Variants in PKHD1L1 observed in about 807,000 individuals in gnomAD.
PKHD1L1 encodes the protein fibrocystin-L.
In PKHD1L1, 434 loss-of-function variants were observed where a neutral mutation model predicts 462.9. The observed-to-expected ratio is 0.94, with a 90% CI of 0.87 to 1.02. The LOEUF is 1.02. PKHD1L1 is among the 50% of genes least tolerant of loss of function. The pLI, the probability that PKHD1L1 is intolerant of heterozygous loss-of-function variation, is 0.00. For missense variants in PKHD1L1, 5,202 were observed against 5,096.1 expected (o/e 1.02, Z -0.63); for synonymous variants, 1,781 against 1,750.0 (o/e 1.02, Z -0.44).
intron 73 of PKHD1L1, among the ~76,000 whole-genome samples, chr8:109,520,954 G>A (rs1338795582): frequency 1.3e-5 from 2 of 152,154 alleles, no homozygotes; most frequent in African/African-American, 2.4e-5. Context: ...AGTAGTAATA[G>A]TAGTGCATGG....
intron 45 of PKHD1L1, among the ~76,000 whole-genome samples, chr8:109,455,197 G>C (rs1563563898): frequency 1.3e-5 from 2 of 152,178 alleles, no homozygotes; most frequent in African/African-American, 4.8e-5. Flanking sequence ...ATTTAGCCAG[G>C]CATGGTGGTG....
At chr8:109,381,121 C>G (rs893483643) in intron 2 of PKHD1L1, among the ~76,000 whole-genome samples, 2 of 152,124 alleles carry the variant, frequency 1.3e-5, no homozygotes, top group South Asian at 2.1e-4. Context: ...GATGGTGGAA[C>G]AAATCCCCAT....
At chr8:109,439,954 A>G (rs17446406) in intron 32 of PKHD1L1, among the ~76,000 whole-genome samples, 30,542 of 152,014 alleles carry the variant, frequency 0.2, 3,147 homozygotes, top group South Asian at 0.27. Context: ...CAGAGCTCAC[A>G]TGGATTCTAT....
intron 1 of PKHD1L1, among the ~76,000 whole-genome samples, chr8:109,364,222 G>A (rs555556460): frequency 2.6e-5 from 4 of 152,250 alleles, no homozygotes; most frequent in African/African-American, 9.6e-5. Context: ...TTATAGATCT[G>A]CAGTTAGCAG....
At chr8:109,508,347 A>C in intron 70 of PKHD1L1, 83 bp downstream of exon 70, 1 of 1,358,162 alleles carries the variant, frequency 7.4e-7, no homozygotes, top group Non-Finnish European at 1.0e-6. Context: ...TAAATTATTT[A>C]CCCCACACAA....
rs145885682 is a variant in PKHD1L1 at position 109,534,908 on chromosome 8, GT to G, written c.*4828del. 6.7e-6 allele frequency among the ~76,000 whole-genome samples: 1 copy of G among 149,506 alleles called. No homozygotes were observed. Among genetic ancestry groups the G allele is most frequent in the Non-Finnish European group, 1.5e-5 (1 of 67,308 alleles). On this transcript the variant is annotated 3_prime_UTR_variant, in exon 78 of 78. Transcript: ENST00000378402. ...ACCCATGAATGTGACTTTATTAGAG[GT>G]TTTTTTTTTAGGTTAAGGACTATGT...
chr8:109,405,792 A>G (rs1813506384), intron 16 of PKHD1L1, among the ~76,000 whole-genome samples: 1 of 152,174 alleles, frequency 6.6e-6, no homozygotes, highest in Non-Finnish European at 1.5e-5. Context: ...GCAAACCACC[A>G]TGACATACGT....
intron 67 of PKHD1L1, 21 bp from the exon 68 acceptor site, chr8:109,504,306 T>C: frequency 2.3e-6 from 3 of 1,324,576 alleles, no homozygotes; most frequent in African/African-American, 3.1e-5. Flanking sequence ...AATAATCACT[T>C]ATCTATTATT....
At position 109,491,145 on chromosome 8, in the gene PKHD1L1, G is replaced by T. The variant is rs754579743; in HGVS notation, c.10114+44G>T. On this transcript the variant is annotated intron_variant, in intron 61 of 77. Transcript: ENST00000378402. Reference sequence around the variant, plus strand: ...GGTTCAAATTACACATCCTGTGGAGGCTTTCTTATCTATATACTCTAGAGC... The same window carrying T: ...GGTTCAAATTACACATCCTGTGGAGTCTTTCTTATCTATATACTCTAGAGC... 18 of 1,565,294 alleles carry T rather than the reference G, an allele frequency of 1.1e-5. No homozygotes were observed. The East Asian group carries it at 2.7e-4, about 24-fold the overall frequency.
intron 2 of PKHD1L1, among the ~76,000 whole-genome samples, chr8:109,370,427 T>G (rs369000467): frequency 6.6e-6 from 1 of 152,020 alleles, no homozygotes; most frequent in Non-Finnish European, 1.5e-5. Flanking sequence ...GTGTTATTTT[T>G]AAAAAGGGAT....
rs938571749 is a variant in PKHD1L1 at position 109,400,280 on chromosome 8, T to G, written c.1217T>G (p.Phe406Cys). The change falls in exon 13 of 78, where the codon TTC becomes TGC. Residue 406 changes from phenylalanine to cysteine, a missense_variant. Coordinates refer to ENST00000378402, the MANE Select transcript of PKHD1L1 (RefSeq NM_177531.6). ...GCTCCAGATTCTGATGTTTATAGAT[T>G]CTACATCAAGGGTGATGACCGTTAT... ...LVAPDSDVYR[F>C]YIKGDDRYAI... 1 of 1,613,656 alleles carries G rather than the reference T, an allele frequency of 6.2e-7. No homozygotes were observed. The highest frequency in any genetic ancestry group is 1.7e-5 in the Admixed American group (1 of 59,990).
Position 109,406,338 on chromosome 8 carries a change from T to C in PKHD1L1, c.1673T>C (p.Phe558Ser), listed in dbSNP as rs1365418587. 1 of 1,546,500 alleles carries C rather than the reference T, an allele frequency of 6.5e-7. No individual in the cohort carries two copies. Among genetic ancestry groups the C allele is most frequent in the East Asian group, 2.4e-5 (1 of 40,914 alleles). The change falls in exon 17 of 78, where the codon TTC becomes TCC. Residue 558 changes from phenylalanine (F) to serine (S), a missense_variant. Physicochemically the swap from Phe to Ser is radical, Grantham distance 155. Transcript: ENST00000378402. ...RLIYNMEKTV[F>S]LPADASEFIL... is the part of the protein sequence containing the mutation. ...GTTTGTTTTAATCCAATCAAAGTCT[T>C]CCTACCTGCTGATGCTTCTGAATTC...
rs1332552530 is a variant in PKHD1L1 at position 109,413,499 on chromosome 8, A to G, written c.2314A>G (p.Arg772Gly). 3 of 1,575,400 alleles carry G rather than the reference A, an allele frequency of 1.9e-6. No individual in the cohort carries two copies. In the South Asian group the frequency reaches 3.6e-5, roughly 19 times the overall value. Residue 772 changes from arginine to glycine, a missense_variant, in exon 21 of 78, where the codon AGA becomes GGA. Coordinates refer to ENST00000378402, the MANE Select transcript of PKHD1L1 (RefSeq NM_177531.6). ...FQYQDNSKIT[R>G]STDTQFTYNF... is the part of the protein sequence containing the mutation. ...GTACCAAGACAATAGCAAGATTACT[A>G]GAAGCACTGATACACAGTTTACATA...
At chr8:109,463,935 TA>T (rs972306039) in intron 48 of PKHD1L1, among the ~76,000 whole-genome samples, 2 of 152,110 alleles carry the variant, frequency 1.3e-5, no homozygotes, top group African/African-American at 4.8e-5. Context: ...TTTTATTTCC[TA>T]AAACACAAAA....
intron 39 of PKHD1L1, among the ~76,000 whole-genome samples, chr8:109,448,721 A>C (rs1419399441): frequency 6.6e-6 from 1 of 151,896 alleles, no homozygotes; most frequent in African/African-American, 2.4e-5. Flanking sequence ...TCACCATGAA[A>C]ATTTATAGCA....
chr8:109,464,918 T>C lies in PKHD1L1; in HGVS notation c.8086T>C (p.Trp2696Arg). Residue 2696 changes from tryptophan to arginine, a missense_variant, in exon 49 of 78, where the codon TGG becomes CGG. Around this residue, in one of 3 missense-constraint regions of PKHD1L1, gnomAD observed 4,497 missense variants for 4,336.8 expected, o/e 1.04. Transcript: ENST00000378402. ...KRILAPYVGG[W>R]GETNGAVIKN... Reference sequence around the variant, plus strand: ...GATCCTGGCTCCTTATGTTGGAGGGTGGGGTGAAACCAATGGAGCGGTGAT... The same window carrying C: ...GATCCTGGCTCCTTATGTTGGAGGGCGGGGTGAAACCAATGGAGCGGTGAT... 6.2e-7 allele frequency: 1 copy of C among 1,613,658 alleles called. No homozygotes were observed. Among genetic ancestry groups the C allele is most frequent in the Non-Finnish European group, 8.5e-7 (1 of 1,179,760 alleles).
chr8:109,447,415 A>C (rs1368266729), intron 38 of PKHD1L1, among the ~76,000 whole-genome samples: 2 of 152,202 alleles, frequency 1.3e-5, no homozygotes, highest in Non-Finnish European at 2.9e-5. Flanking sequence ...GTTTGTAAAA[A>C]GTTATGTTGA....
At chr8:109,413,377 A>ATTACC in intron 20 of PKHD1L1, 44 bp from the exon 21 acceptor site, 1 of 1,288,190 alleles carries the variant, frequency 7.8e-7, no homozygotes, top group Non-Finnish European at 1.0e-6. Context: ...GAAACAATGT[A>ATTACC]ATGGTAATAT....
chr8:109,480,427 C>T (rs1003923210), intron 55 of PKHD1L1: 4 of 414,506 alleles, frequency 9.7e-6, no homozygotes, highest in Non-Finnish European at 1.8e-5. Context: ...GCTAAACCAA[C>T]AGCTTGTTCC....
Sources: gnomAD v4.1 joint callset for allele counts (sites outside exome capture counted in the v4.1 genomes callset) on GRCh38, gnomAD v4.1.1 for gene constraint, gnomAD v4.1.1 regional missense constraint, MANE v1.5 for transcripts, NCBI Gene and HGNC (gene_info 2026-07-23, HGNC 2026-07-21) for gene names.